EYS: variants seen among roughly 807,000 people sequenced by gnomAD.
The protein encoded by EYS is protein eyes shut homolog.
Under a neutral mutation model 282.1 loss-of-function variants are expected in EYS, and 250 were observed. The ratio of observed to expected loss-of-function variants is 0.89; its 90% CI spans 0.80 to 0.98. The LOEUF (loss-of-function observed/expected upper bound fraction) is 0.98. EYS is among the 50% of genes least tolerant of loss of function. The pLI is 0.00. For synonymous variants in EYS, 1,355 were observed against 1,282.9 expected (o/e 1.06, Z -1.20); for missense variants, 4,016 against 3,709.0 (o/e 1.08, Z -2.15).
intron 26 of EYS, among the ~76,000 whole-genome samples, chr6:64,471,445 A>G (rs1171655687): frequency 6.6e-6 from 1 of 152,194 alleles, no homozygotes; most frequent in African/African-American, 2.4e-5. Flanking sequence ...CTATATACCA[A>G]CAACAAAGAA....
chr6:64,460,809 T>C (rs1775721582), intron 26 of EYS, among the ~76,000 whole-genome samples: 1 of 152,168 alleles, frequency 6.6e-6, no homozygotes, highest in Non-Finnish European at 1.5e-5. Context: ...TTTCTAGCAA[T>C]TAGCTTTTAA....
rs773906269 is a variant in EYS, at chr6:65,335,094, C to T, written c.1652G>A (p.Arg551Gln). 17 of 1,611,808 alleles carry T rather than the reference C, an allele frequency of 1.1e-5. No individual in the cohort carries two copies. The highest frequency in any genetic ancestry group is 1.3e-5 in the African/African-American group (1 of 74,712). ...CLSEEDSQEY[R>Q]YLCFLRWAGN... ...AGCCCATCTGAGAAAACATAGATAC[C>T]GATATTCCTGACTGTCTTCTTCACT... Residue 551 changes from arginine (R) to glutamine (Q), a missense_variant, in exon 11 of 43, where the codon CGG (arginine) becomes CAG (glutamine). Physicochemically the swap from Arg to Gln is conservative, Grantham distance 43. Coordinates refer to ENST00000503581, the MANE Select transcript of EYS (RefSeq NM_001142800.2).
intron 19 of EYS, among the ~76,000 whole-genome samples, chr6:64,844,349 TG>T (rs1261298575): frequency 2.0e-5 from 3 of 150,564 alleles, no homozygotes; most frequent in Non-Finnish European, 4.4e-5. Context: ...AGAGTTTTTA[TG>T]CTGTTGGGTT....
intron 12 of EYS, among the ~76,000 whole-genome samples, chr6:65,066,202 C>T (rs1773740618): frequency 6.6e-6 from 1 of 152,056 alleles, no homozygotes; most frequent in South Asian, 2.1e-4. Context: ...TAAACATTAC[C>T]ACTTGCCACT....
chr6:64,221,884 G>C (rs1486011195), intron 31 of EYS, among the ~76,000 whole-genome samples: 2 of 152,092 alleles, frequency 1.3e-5, no homozygotes, highest in African/African-American at 4.8e-5. Context: ...TATTATTTGA[G>C]GTTTCAGGCA....
At chr6:64,244,279 C>T (rs530386539) in intron 30 of EYS, among the ~76,000 whole-genome samples, 28 of 152,228 alleles carry the variant, frequency 1.8e-4, no homozygotes, top group Admixed American at 3.9e-4. Context: ...GTCCATTTTA[C>T]ATCTTTTCAA....
intron 22 of EYS, among the ~76,000 whole-genome samples, chr6:64,649,244 A>G (rs746794971): frequency 6.6e-5 from 10 of 152,180 alleles, no homozygotes; most frequent in Non-Finnish European, 1.0e-4. Flanking sequence ...ATTTGCCACT[A>G]TTTAATTTTG....
In EYS at chr6:65,499,986, G is replaced by T. The variant is rs541440595; in HGVS notation, c.-332-3993C>A. 4.5e-4 allele frequency among the ~76,000 whole-genome samples: 69 copies of T among 151,874 alleles called. No individual in the cohort carries two copies. The South Asian group carries it at 0.013, about 29-fold the overall frequency. On this transcript the variant is annotated intron_variant, in intron 2 of 42. Coordinates refer to ENST00000503581, the MANE Select transcript of EYS (RefSeq NM_001142800.2). ...AAATGAGAAAACTTAAGTCACCATA[G>T]TGTCCAAAGAAATAAGAATAAAAAG...
At chr6:63,952,002 C>T (rs763309684) in intron 35 of EYS, among the ~76,000 whole-genome samples, 1 of 152,182 alleles carries the variant, frequency 6.6e-6, no homozygotes, top group Non-Finnish European at 1.5e-5. Context: ...TCAAACCCCA[C>T]AAAAGTACTC....
intron 31 of EYS, among the ~76,000 whole-genome samples, chr6:64,181,948 G>A (rs9353582): frequency 0.3 from 46,296 of 151,794 alleles, 7,123 homozygotes; most frequent in East Asian, 0.5. Context: ...ATTTTTGTCT[G>A]TCCATTTCTA....
At chr6:65,232,946 T>C (rs1249775811) in intron 12 of EYS, among the ~76,000 whole-genome samples, 1 of 152,140 alleles carries the variant, frequency 6.6e-6, no homozygotes, top group Non-Finnish European at 1.5e-5. Context: ...TCCATCAATA[T>C]TGTCACATGT....
At position 64,108,507 on chromosome 6, in the gene EYS, C is replaced by CTT. The variant is rs530004392; in HGVS notation, c.6425-26507_6425-26506dup. ...ACTGGAAATCAGAAGTCCACTACTG[C>CTT]TTTTTTTTTTTTTTTTTTTTGAGAA... On this transcript the variant is annotated intron_variant, in intron 31 of 42. Transcript: ENST00000503581. 9.4e-4 allele frequency among the ~76,000 whole-genome samples: 110 copies of CTT among 116,826 alleles called. 3 individuals carry two copies. Among genetic ancestry groups the CTT allele is most frequent in the African/African-American group, 3.0e-3 (92 of 30,910 alleles). 76.6% of individuals were successfully genotyped at this position (116,826 alleles called of 152,430 possible).
At chr6:64,329,229 G>A (rs1410944004) in intron 29 of EYS, among the ~76,000 whole-genome samples, 1 of 152,140 alleles carries the variant, frequency 6.6e-6, no homozygotes, top group Non-Finnish European at 1.5e-5. Context: ...CAATATAATT[G>A]GAGCTACAGG....
intron 30 of EYS, among the ~76,000 whole-genome samples, chr6:64,231,833 A>G (rs775543291): frequency 6.6e-6 from 1 of 152,166 alleles, no homozygotes; most frequent in Non-Finnish European, 1.5e-5. Flanking sequence ...CTGTCTGGGA[A>G]GGTTTTTAGA....
intron 30 of EYS, among the ~76,000 whole-genome samples, chr6:64,255,870 T>G (rs1028183830): frequency 2.0e-5 from 3 of 152,026 alleles, no homozygotes; most frequent in Non-Finnish European, 4.4e-5. Flanking sequence ...TATGAAAAAT[T>G]TTATGTTTCC....
At chr6:64,959,374 G>A (rs887848483) in intron 14 of EYS, among the ~76,000 whole-genome samples, 2 of 152,154 alleles carry the variant, frequency 1.3e-5, no homozygotes, top group Non-Finnish European at 2.9e-5. Flanking sequence ...AGGGATATCA[G>A]AAGCATAAGT....
chr6:64,226,688 G>A (rs1766261732), intron 31 of EYS, among the ~76,000 whole-genome samples: 1 of 152,044 alleles, frequency 6.6e-6, no homozygotes. Context: ...TATGAATTAA[G>A]ATAGCATGTG....
At chr6:65,665,322 T>C (rs887325050) in intron 1 of EYS, among the ~76,000 whole-genome samples, 1 of 152,134 alleles carries the variant, frequency 6.6e-6, no homozygotes. Flanking sequence ...CTTTCTTTCT[T>C]CATTTATCTC....
At chr6:65,425,831 G>A (rs1382337396) in intron 5 of EYS, among the ~76,000 whole-genome samples, 1 of 152,018 alleles carries the variant, frequency 6.6e-6, no homozygotes, top group East Asian at 1.9e-4. Flanking sequence ...GCACTTTATG[G>A]CTTTATGATG....
Sources: gnomAD v4.1 joint callset for allele counts (sites outside exome capture counted in the v4.1 genomes callset) on GRCh38, gnomAD v4.1.1 for gene constraint, MANE v1.5 for transcripts, NCBI Gene and HGNC (gene_info 2026-07-23, HGNC 2026-07-21) for gene names.